Variants in BCAR3 observed in about 807,000 individuals in gnomAD.
BCAR3 encodes the protein BCAR3 adaptor protein, NSP family member, also known as breast cancer anti-estrogen resistance protein 3.
Under a neutral mutation model 80.1 loss-of-function variants are expected in BCAR3, and 37 were observed. That is an observed-to-expected ratio of 0.46 (90% CI 0.36 to 0.61). The LOEUF is 0.61. BCAR3 is among the 20% of genes least tolerant of loss of function. The probability of loss-of-function intolerance (pLI) is 0.00; values close to 1 mark genes in which losing one functional copy is unlikely to be tolerated. For missense variants in BCAR3, 978 were observed against 1,068.2 expected (o/e 0.92, Z 1.18); for synonymous variants, 389 against 418.9 (o/e 0.93, Z 0.87).
At chr1:93,734,989 A>G (rs975536052) in intron 2 of BCAR3, among the ~76,000 whole-genome samples, 1 of 152,024 alleles carries the variant, frequency 6.6e-6, no homozygotes, top group African/African-American at 2.4e-5. Flanking sequence ...TCCTTCTTCT[A>G]TTGGTGGTTA....
At chr1:93,612,728 T>C (rs565353105) in intron 3 of BCAR3, among the ~76,000 whole-genome samples, 9 of 152,272 alleles carry the variant, frequency 5.9e-5, no homozygotes, top group African/African-American at 2.2e-4. Flanking sequence ...AGAAACCACA[T>C]GGATCTCGCA....
intron 2 of BCAR3, chr1:93,775,391 T>A (rs1652509388): frequency 1.3e-5 from 2 of 152,148 alleles, no homozygotes; most frequent in Non-Finnish European, 2.9e-5. Context: ...CCAGGCATGC[T>A]CCTGACCGCT....
chr1:93,772,748 G>T (rs1448666823), intron 2 of BCAR3, among the ~76,000 whole-genome samples: 1 of 152,068 alleles, frequency 6.6e-6, no homozygotes, highest in African/African-American at 2.4e-5. Context: ...TGGAACTACA[G>T]GAATGCGCCA....
chr1:93,660,628 TAA>T (rs1383722828), intron 2 of BCAR3, among the ~76,000 whole-genome samples: 3 of 152,260 alleles, frequency 2.0e-5, no homozygotes, highest in African/African-American at 7.2e-5. Flanking sequence ...AAGGTCCCAA[TAA>T]AGAGTTACTT....
At chr1:93,809,661 G>T (rs569382336) in intron 2 of BCAR3, among the ~76,000 whole-genome samples, 1 of 151,634 alleles carries the variant, frequency 6.6e-6, no homozygotes, top group African/African-American at 2.4e-5. Flanking sequence ...CCAACCACTC[G>T]GGAGGCTGAG....
chr1:93,717,101 T>C (rs1650216374), intron 2 of BCAR3, among the ~76,000 whole-genome samples: 3 of 152,326 alleles, frequency 2.0e-5, no homozygotes, highest in South Asian at 4.1e-4. Context: ...TATCTACTTA[T>C]ACTCTTAGAT....
chr1:93,686,399 A>G (rs1284869647), upstream of BCAR3, among the ~76,000 whole-genome samples: 2 of 152,204 alleles, frequency 1.3e-5, no homozygotes, highest in African/African-American at 2.4e-5. Context: ...TGGGCAATAC[A>G]GTGAGCCCCA....
intron 2 of BCAR3, among the ~76,000 whole-genome samples, chr1:93,723,051 C>T (rs1650461544): frequency 6.6e-6 from 1 of 152,110 alleles, no homozygotes; most frequent in Admixed American, 6.5e-5. Flanking sequence ...CTCAAAATGC[C>T]TGGAAGAAAG....
intron 2 of BCAR3, among the ~76,000 whole-genome samples, chr1:93,732,442 C>T (rs1463856137): frequency 6.6e-6 from 1 of 152,076 alleles, no homozygotes; most frequent in African/African-American, 2.4e-5. Flanking sequence ...TGGCAAAACC[C>T]TGTCTCTACA....
intron 8 of BCAR3, among the ~76,000 whole-genome samples, chr1:93,573,633 A>ATTT (rs1156233219): frequency 8.0e-5 from 11 of 138,294 alleles, no homozygotes; most frequent in African/African-American, 3.1e-4. Flanking sequence ...TATTATTATT[A>ATTT]TTTTTTTTTT....
intron 2 of BCAR3, among the ~76,000 whole-genome samples, chr1:93,651,879 T>C (rs1676336524): frequency 6.6e-6 from 1 of 152,204 alleles, no homozygotes; most frequent in Non-Finnish European, 1.5e-5. Flanking sequence ...GTGTCAGCAC[T>C]GATCTCATCA....
At chr1:93,818,084 T>C (rs1005435730) in intron 2 of BCAR3, among the ~76,000 whole-genome samples, 1 of 152,238 alleles carries the variant, frequency 6.6e-6, no homozygotes, top group Non-Finnish European at 1.5e-5. Context: ...GTACTCTTAA[T>C]ACTGCTGACT....
At chr1:93,808,254 TCAAAAAGACC>T (rs1653721592) in intron 2 of BCAR3, among the ~76,000 whole-genome samples, 1 of 151,794 alleles carries the variant, frequency 6.6e-6, no homozygotes, top group Admixed American at 6.6e-5. Context: ...AACAAATGAA[TCAAAAAGACC>T]CACACATAGC....
chr1:93,682,100 C>G (rs1389733734), upstream of BCAR3, among the ~76,000 whole-genome samples: 2 of 152,226 alleles, frequency 1.3e-5, no homozygotes, highest in African/African-American at 2.4e-5. Flanking sequence ...TCCCCTTCCC[C>G]GCGTTATTTA....
intron 2 of BCAR3, among the ~76,000 whole-genome samples, chr1:93,766,178 T>C (rs1320872311): frequency 6.6e-6 from 1 of 152,138 alleles, no homozygotes. Flanking sequence ...GTCACAGAGA[T>C]GTGTGGGATA....
intron 2 of BCAR3, among the ~76,000 whole-genome samples, chr1:93,711,700 T>C (rs1485552209): frequency 6.6e-6 from 1 of 152,172 alleles, no homozygotes; most frequent in Non-Finnish European, 1.5e-5. Context: ...ACCTGGCACA[T>C]AGTAGAGACT....
intron 3 of BCAR3, among the ~76,000 whole-genome samples, chr1:93,625,216 T>A (rs899406624): frequency 2.0e-4 from 30 of 152,078 alleles, no homozygotes; most frequent in African/African-American, 7.2e-4. Context: ...ATCTCAAAAA[T>A]AAAAGAGTCA....
chr1:93,623,301 G>A (rs1675367584), intron 3 of BCAR3, among the ~76,000 whole-genome samples: 1 of 152,094 alleles, frequency 6.6e-6, no homozygotes, highest in Admixed American at 6.5e-5. Flanking sequence ...AATGTAAGGG[G>A]GGGAATGGTA....
At chr1:93,734,055 C>T (rs1438770197) in intron 2 of BCAR3, among the ~76,000 whole-genome samples, 1 of 152,158 alleles carries the variant, frequency 6.6e-6, no homozygotes, top group African/African-American at 2.4e-5. Flanking sequence ...GGCTGTCTCT[C>T]TCAGCTGGCA....
Sources: allele counts gnomAD v4.1 joint callset (sites outside exome capture counted in the v4.1 genomes callset), GRCh38; gene constraint gnomAD v4.1.1; transcripts MANE v1.5; gene names NCBI Gene and HGNC (gene_info 2026-07-23, HGNC 2026-07-21).